SLC17A1: variants seen among roughly 807,000 people sequenced by gnomAD.
SLC17A1 encodes solute carrier family 17 member 1.
Under a neutral mutation model 53.5 loss-of-function variants are expected in SLC17A1, and 51 were observed. The observed-to-expected ratio is 0.95, with a 90% CI of 0.76 to 1.20. SLC17A1 has a LOEUF of 1.20. Ranked by LOEUF, SLC17A1 falls within the 50% of genes most tolerant of loss-of-function variation. The pLI, the probability that SLC17A1 is intolerant of heterozygous loss-of-function variation, is 0.00. For missense variants in SLC17A1, 538 were observed against 568.2 expected, an observed-to-expected ratio of 0.95 and a Z score of 0.54; for synonymous variants, 179 against 198.8, an observed-to-expected ratio of 0.90 and a Z score of 0.84.
rs1258698936 is a variant in SLC17A1, at chr6:25,783,029, T to C, written c.*192A>G. 3 of 152,190 alleles carry C rather than the reference T, an allele frequency of 2.0e-5. No individual in the cohort carries two copies. The highest frequency in any genetic ancestry group is 4.4e-5 in the Non-Finnish European group (3 of 68,024). The allele number at this position is 152,190 out of a possible 1,614,324, so 9.4% of individuals were successfully genotyped here. On this transcript the variant is annotated 3_prime_UTR_variant, in exon 13 of 13. Transcript: ENST00000244527. ...CCATTTAAAATTCAGATATATTACA[T>C]GTTACAAACAACACATGTTAAAAAA... is the stretch of plus-strand genomic sequence containing the variant.
At chr6:25,827,371 C>A in intron 2 of SLC17A1, among the ~76,000 whole-genome samples, 1 of 152,036 alleles carries the variant, frequency 6.6e-6, no homozygotes, top group East Asian at 1.9e-4. Flanking sequence ...TAATACAATG[C>A]ATATTACTCA....
At chr6:25,731,837 C>G in the SLC17A1 span, 7 of 1,602,622 alleles carry the variant, frequency 4.4e-6, no homozygotes, top group Non-Finnish European at 6.0e-6. Context: ...ACACAACGTG[C>G]TTGGCTAGTT....
chr6:25,732,475 G>A, the SLC17A1 span: 194 of 365,676 alleles, frequency 5.3e-4, no homozygotes, highest in African/African-American at 3.9e-3. Context: ...CGGGGGAAGG[G>A]TACGCGCTAT....
At chr6:25,779,055 A>G (rs1311074425), downstream of SLC17A1, 2 of 1,613,582 alleles carry the variant, frequency 1.2e-6, no homozygotes, top group Non-Finnish European at 1.7e-6. Flanking sequence ...TGCCTCCAGG[A>G]TTCAGAGTTT....
At chr6:25,767,185 A>G in the SLC17A1 span, among the ~76,000 whole-genome samples, 1 of 152,188 alleles carries the variant, frequency 6.6e-6, no homozygotes, top group Non-Finnish European at 1.5e-5. Context: ...TTAAAAAAGA[A>G]CAAAGCTAGT....
At chr6:25,741,864 C>G in the SLC17A1 span, among the ~76,000 whole-genome samples, 1 of 152,030 alleles carries the variant, frequency 6.6e-6, no homozygotes, top group Admixed American at 6.6e-5. Flanking sequence ...CACACCAAGA[C>G]AGAGTGAGAC....
chr6:25,797,021 C>T (rs1242809384), intron 12 of SLC17A1, among the ~76,000 whole-genome samples: 2 of 152,228 alleles, frequency 1.3e-5, no homozygotes, highest in Non-Finnish European at 2.9e-5. Flanking sequence ...AATTTCATCC[C>T]TTCCAGATGA....
At chr6:25,815,143 A>C (rs902061625) in intron 6 of SLC17A1, among the ~76,000 whole-genome samples, 1 of 151,698 alleles carries the variant, frequency 6.6e-6, no homozygotes, top group Non-Finnish European at 1.5e-5. Context: ...GGAAGGAAGA[A>C]AGAAAGAAAT....
At chr6:25,770,230 T>C in the SLC17A1 span, 3 of 1,614,160 alleles carry the variant, frequency 1.9e-6, no homozygotes, top group African/African-American at 4.0e-5. Flanking sequence ...CTGACCCTCT[T>C]CATTCCACTG....
At chr6:25,764,875 A>G in the SLC17A1 span, among the ~76,000 whole-genome samples, 37 of 152,238 alleles carry the variant, frequency 2.4e-4, no homozygotes, top group African/African-American at 5.3e-4. Flanking sequence ...GCAGAAATCA[A>G]CTTGGAAATT....
intron 10 of SLC17A1, among the ~76,000 whole-genome samples, chr6:25,801,732 C>T (rs1400868807): frequency 6.6e-6 from 1 of 152,120 alleles, no homozygotes; most frequent in African/African-American, 2.4e-5. Context: ...TTCTTATTTC[C>T]CTAGTCTTTC....
chr6:25,765,473 A>G, the SLC17A1 span, among the ~76,000 whole-genome samples: 1 of 152,236 alleles, frequency 6.6e-6, no homozygotes, highest in Non-Finnish European at 1.5e-5. Flanking sequence ...TAGCTTTTAC[A>G]TCACACTGCT....
At chr6:25,785,890 C>G (rs1763372060) in intron 12 of SLC17A1, among the ~76,000 whole-genome samples, 1 of 152,106 alleles carries the variant, frequency 6.6e-6, no homozygotes, top group African/African-American at 2.4e-5. Flanking sequence ...GTAAAATAGT[C>G]TGATGCTGTG....
At chr6:25,726,657 G>A in the SLC17A1 span, 10 of 1,239,556 alleles carry the variant, frequency 8.1e-6, no homozygotes, top group African/African-American at 7.5e-5. Context: ...TCAGAAAGTC[G>A]TACTAGAATC....
At chr6:25,761,721 T>C in the SLC17A1 span, among the ~76,000 whole-genome samples, 1 of 152,276 alleles carries the variant, frequency 6.6e-6, no homozygotes, top group African/African-American at 2.4e-5. Context: ...TTGCGAGATA[T>C]AAATACTAAG....
chr6:25,735,198 T>C, the SLC17A1 span, among the ~76,000 whole-genome samples: 2 of 152,246 alleles, frequency 1.3e-5, no homozygotes, highest in African/African-American at 4.8e-5. Context: ...ATTTTTCATT[T>C]ATAAATTCAG....
At chr6:25,829,674 G>C (rs1432289940) in intron 2 of SLC17A1, among the ~76,000 whole-genome samples, 1 of 152,136 alleles carries the variant, frequency 6.6e-6, no homozygotes, top group Non-Finnish European at 1.5e-5. Flanking sequence ...GAAGACCACA[G>C]GGGGAATTCT....
Position 25,811,759 on chromosome 6 carries a change from C to A in SLC17A1, c.909G>T (p.Leu303Phe). Residue 303 changes from leucine (L) to phenylalanine (F), a missense_variant, in exon 9 of 13, where the codon TTG becomes TTT. By Grantham distance (22) the Leu-to-Phe change is conservative. Transcript: ENST00000244527. ...AGGCAAACAAATAGGGAAGGGAAGA[C>A]AAGAACCCATTCTGAAGAGGAAACA... ...LHVNIKENGFLSSLPYLFAWI... is the reference protein window; with the variant it reads ...LHVNIKENGFFSSLPYLFAWI... 1 of 1,613,666 alleles carries A rather than the reference C, an allele frequency of 6.2e-7. No homozygotes were observed. The highest frequency in any genetic ancestry group is 8.5e-7 in the Non-Finnish European group (1 of 1,179,690).
the SLC17A1 span, chr6:25,726,971 TAAGACCCAGAAAAAGG>T: frequency 6.2e-7 from 1 of 1,614,070 alleles, no homozygotes; most frequent in Non-Finnish European, 8.5e-7. Context: ...AAGCTGTCGT[TAAGACCCAGAAAAAGG>T]AAGGCAAAAA....
Sources: allele counts gnomAD v4.1 joint callset (sites outside exome capture counted in the v4.1 genomes callset), GRCh38; gene constraint gnomAD v4.1.1; transcripts MANE v1.5; gene names NCBI Gene and HGNC (gene_info 2026-07-23, HGNC 2026-07-21).